Variants in SNRPE observed in about 807,000 individuals in gnomAD.
SNRPE encodes the protein small nuclear ribonucleoprotein polypeptide E, also known as small nuclear ribonucleoprotein E.
For synonymous variants in SNRPE, 35 were observed against 36.7 expected (o/e 0.95, Z 0.17); for missense variants, 53 against 111.6 (o/e 0.48, Z 2.36).
rs756525255 is a variant in SNRPE at position 203,865,514 on chromosome 1, TCTG to T, written c.223+396_223+398del. Among the ~76,000 whole-genome samples, 51 of 152,314 alleles carry T rather than the reference TCTG, an allele frequency of 3.3e-4. 1 individual carries two copies. The highest frequency in any genetic ancestry group is 6.8e-4 in the Non-Finnish European group (46 of 68,036). ...TTGACAATAATTAACACAGAAGACT[TCTG>T]TGACCAGATGTATGGGCATATTTCC... On this transcript the variant is annotated intron_variant, in intron 4 of 4. Coordinates refer to ENST00000414487, the MANE Select transcript of SNRPE (RefSeq NM_003094.4).
chr1:203,864,955 T>TG, intron 3 of SNRPE, 86 bp from the exon 4 acceptor site: 2 of 1,319,462 alleles, frequency 1.5e-6, no homozygotes, highest in South Asian at 1.7e-5. Context: ...TGAAGTTAGT[T>TG]GGAGTTTTTA....
chr1:203,865,164 C>A, intron 4 of SNRPE, 45 bp downstream of exon 4: 1 of 1,535,286 alleles, frequency 6.5e-7, no homozygotes, highest in South Asian at 1.2e-5. Flanking sequence ...ATATTTTATT[C>A]ACTTGCAGAA....
intron 2 of SNRPE, among the ~76,000 whole-genome samples, chr1:203,863,033 G>T (rs1183484393): frequency 6.6e-6 from 1 of 152,042 alleles, no homozygotes; most frequent in Non-Finnish European, 1.5e-5. Context: ...CTTATTAAAT[G>T]AAAATTCTTT....
intron 3 of SNRPE, among the ~76,000 whole-genome samples, chr1:203,863,983 T>C (rs6697629): frequency 0.76 from 115,203 of 152,118 alleles, 43,735 homozygotes; most frequent in East Asian, 0.8. Flanking sequence ...GAGAAAGGGC[T>C]TTGTTCTGTT....
chr1:203,863,538 C>G (rs1690020919), intron 2 of SNRPE, 125 bp from the exon 3 acceptor site: 1 of 696,518 alleles, frequency 1.4e-6, no homozygotes. Context: ...CGAGGATGGT[C>G]TCTATCTCTT....
intron 2 of SNRPE, among the ~76,000 whole-genome samples, chr1:203,862,846 C>G (rs562092722): frequency 6.6e-6 from 1 of 152,068 alleles, no homozygotes; most frequent in South Asian, 2.1e-4. Context: ...CATGAGAAGG[C>G]TTTGTTTTGG....
At chr1:203,863,120 A>G (rs191551201) in intron 2 of SNRPE, among the ~76,000 whole-genome samples, 85 of 141,330 alleles carry the variant, frequency 6.0e-4, no homozygotes, top group African/African-American at 2.1e-3. Flanking sequence ...ATTCATTACA[A>G]TTTTTTTAGG....
At chr1:203,868,772 C>T (rs1051114498) in intron 4 of SNRPE, among the ~76,000 whole-genome samples, 14 of 151,786 alleles carry the variant, frequency 9.2e-5, no homozygotes, top group South Asian at 2.1e-4. Flanking sequence ...TGGGTTCAAG[C>T]GATTCTCCTG....
chr1:203,865,943 T>C (rs1356065263), intron 4 of SNRPE, among the ~76,000 whole-genome samples: 1 of 152,222 alleles, frequency 6.6e-6, no homozygotes, highest in African/African-American at 2.4e-5. Context: ...AGCTCACCAC[T>C]CTGGGAACCT....
intron 4 of SNRPE, among the ~76,000 whole-genome samples, chr1:203,867,096 C>A (rs1690102973): frequency 8.2e-6 from 1 of 122,130 alleles, no homozygotes; most frequent in Non-Finnish European, 1.7e-5. Flanking sequence ...TGGTGAAACC[C>A]TGTCTTTCCT....
intron 3 of SNRPE, 121 bp from the exon 4 acceptor site, chr1:203,864,920 G>A (rs1690058278): frequency 1.1e-6 from 1 of 920,928 alleles, no homozygotes; most frequent in East Asian, 3.2e-5. Flanking sequence ...GGAAGGTGGG[G>A]TGGGGCTTGA....
chr1:203,869,405 C>G (rs1418681057), intron 4 of SNRPE, among the ~76,000 whole-genome samples: 1 of 145,994 alleles, frequency 6.8e-6, no homozygotes, highest in African/African-American at 2.5e-5. Context: ...CTCCCGGATT[C>G]AAGCAATTCT....
intron 2 of SNRPE, 54 bp from the exon 3 acceptor site, chr1:203,863,609 G>A: frequency 1.5e-6 from 2 of 1,331,074 alleles, no homozygotes; most frequent in Non-Finnish European, 1.1e-6. Context: ...GTGAGCCACC[G>A]CGCCCGGCCC....
At chr1:203,864,897 A>AAT in intron 3 of SNRPE, 144 bp from the exon 4 acceptor site, 1 of 438,626 alleles carries the variant, frequency 2.3e-6, no homozygotes, top group African/African-American at 2.5e-5. Context: ...AAAAAAAAAA[A>AAT]AAAACTTTGG....
At chr1:203,863,343 C>A (rs954490136) in intron 2 of SNRPE, among the ~76,000 whole-genome samples, 1 of 152,032 alleles carries the variant, frequency 6.6e-6, no homozygotes, top group Non-Finnish European at 1.5e-5. Context: ...TTTTTTGAGA[C>A]GGAGTCTCAC....
intron 4 of SNRPE, among the ~76,000 whole-genome samples, chr1:203,867,834 A>G (rs1690125155): frequency 6.6e-6 from 1 of 152,056 alleles, no homozygotes; most frequent in Admixed American, 6.5e-5. Context: ...AAAAGTTCAA[A>G]GTTTAATTTG....
intron 4 of SNRPE, among the ~76,000 whole-genome samples, chr1:203,866,608 T>G (rs1435179976): frequency 6.6e-6 from 1 of 152,192 alleles, no homozygotes. Flanking sequence ...CCTTATTGAA[T>G]GGCACCAGTT....
rs781423846 is a variant in SNRPE, at chr1:203,863,707, G to T, written c.126G>T (p.Arg42=). The change falls in exon 3 of 5, where the codon CGG becomes CGT. Residue 42 remains arginine (R), a synonymous_variant. Transcript: ENST00000414487. ...QVWLYEQVNM[R]IEGCIIGFDE... ...GGCTCTATGAGCAAGTGAATATGCG[G>T]ATAGAAGGCTGTATCATTGTGAGTA... 1 of 1,603,964 alleles carries T rather than the reference G, an allele frequency of 6.2e-7. No individual in the cohort carries two copies. The highest frequency in any genetic ancestry group is 8.5e-7 in the Non-Finnish European group (1 of 1,170,856).
chr1:203,862,183 C>T lies in SNRPE; in HGVS notation c.55-13C>T, dbSNP rs200851361. On this transcript the variant is annotated splice_polypyrimidine_tract_variant and intron_variant, in intron 1 of 4. Transcript: ENST00000414487. ...GCTGCTTTTGTATTTTTTCCTTAGC[C>T]ACTGTGGTGCAGAACCTCATCTTCA... 105 of 1,606,076 alleles carry T rather than the reference C, an allele frequency of 6.5e-5. No homozygotes were observed. The highest frequency in any genetic ancestry group is 8.6e-5 in the Non-Finnish European group (101 of 1,172,810).
Sources: allele counts gnomAD v4.1 joint callset (sites outside exome capture counted in the v4.1 genomes callset), GRCh38; gene constraint gnomAD v4.1.1; transcripts MANE v1.5; gene names NCBI Gene and HGNC (gene_info 2026-07-23, HGNC 2026-07-21).